The following MAX variants were observed in gnomAD, a reference collection of about 807,000 sequenced individuals.
MAX encodes the protein MYC associated transcriptional regulator X.
Under a neutral mutation model 22.3 loss-of-function variants are expected in MAX, and 3 were observed. That is an observed-to-expected ratio of 0.13 (90% confidence interval 0.06 to 0.35). The LOEUF (loss-of-function observed/expected upper bound fraction) is 0.35. Among genes scored for constraint, MAX ranks in the 10% least tolerant of loss-of-function variants. The pLI, the probability that MAX is intolerant of heterozygous loss-of-function variation, is 1.00. For missense variants in MAX, 119 were observed against 209.4 expected (o/e 0.57, Z 2.66); for synonymous variants, 72 against 77.7 (o/e 0.93, Z 0.39).
At chr14:65,010,338 G>T (rs188214264) in intron 3 of MAX, among the ~76,000 whole-genome samples, 6 of 152,298 alleles carry the variant, frequency 3.9e-5, no homozygotes, top group Admixed American at 2.6e-4. Flanking sequence ...CCTGTCACTT[G>T]TGTGCAGACA....
Position 65,009,378 on chromosome 14 carries a change from C to T in MAX, c.172-3094G>A, listed in dbSNP as rs73268763. 3.9e-5 allele frequency among the ~76,000 whole-genome samples: 6 copies of T among 152,052 alleles called. No individual in the cohort carries two copies. Among genetic ancestry groups the T allele is most frequent in the Admixed American group, 2.0e-4 (3 of 15,266 alleles). ...CTAACTGCCTTATAATCCTTTTATT[C>T]GTCTCATGTAGATTCCCTAACACAC... On this transcript the variant is annotated intron_variant, in intron 3 of 3. Coordinates refer to the MAX transcript ENST00000341653. This position sits in a 1 kb window ranked among gnomAD's most constrained non-coding sequence, Gnocchi z 4.2.
intron 2 of MAX, among the ~76,000 whole-genome samples, chr14:65,097,223 G>A (rs1050993454): frequency 3.3e-5 from 5 of 152,234 alleles, no homozygotes; most frequent in Admixed American, 2.6e-4. Context: ...GTTGTTAGAT[G>A]TTGAAGACAA....
intron 3 of MAX, among the ~76,000 whole-genome samples, chr14:65,040,473 CTCTT>C (rs2062324213): frequency 6.6e-6 from 1 of 151,914 alleles, no homozygotes; most frequent in African/African-American, 2.4e-5. Flanking sequence ...CCTAGTCTCA[CTCTT>C]TCACCCGGGC....
chr14:65,096,724 C>T (rs2063685233), intron 2 of MAX, among the ~76,000 whole-genome samples: 1 of 152,102 alleles, frequency 6.6e-6, no homozygotes, highest in Non-Finnish European at 1.5e-5. Context: ...AAAAACAAGC[C>T]CAAACAATTG....
chr14:65,069,252 C>T lies in MAX; in HGVS notation c.171+24456G>A, dbSNP rs1350583386. On this transcript the variant is annotated intron_variant, in intron 3 of 3. Transcript: ENST00000341653. The surrounding 1 kb of genome is among the most constrained non-coding windows in gnomAD (Gnocchi z 4.6). ...CACCCTCCCTTCACCAACAGCCCCCCACCCCCAGCCTGTCTGGACAGCTAG... is the reference window on the plus strand; with the variant it reads ...CACCCTCCCTTCACCAACAGCCCCCTACCCCCAGCCTGTCTGGACAGCTAG... Among the ~76,000 whole-genome samples, 4 of 152,160 alleles carry T rather than the reference C, an allele frequency of 2.6e-5. No homozygotes were observed. Among genetic ancestry groups the T allele is most frequent in the Non-Finnish European group, 5.9e-5 (4 of 68,014 alleles).
rs2062000170 is a variant in MAX, at chr14:65,027,237, G to A, written c.172-20953C>T. The stretch of plus-strand genomic sequence containing the variant: ...TGCTTCATGACCAACAAGCGCTTAA[G>A]TACGAAACTCAGAGGAGGGCAGACA... On this transcript the variant is annotated intron_variant, in intron 3 of 3. Transcript: ENST00000341653. The surrounding 1 kb of genome is among the most constrained non-coding windows in gnomAD (Gnocchi z 5.7). 2 of 725,042 alleles carry A rather than the reference G, an allele frequency of 2.8e-6. No homozygotes were observed. Among genetic ancestry groups the A allele is most frequent in the Non-Finnish European group, 4.3e-6 (2 of 461,466 alleles). 44.9% of individuals were successfully genotyped at this position (725,042 alleles called of 1,614,324 possible).
chr14:65,048,830 G>A (rs1394388942), intron 3 of MAX, among the ~76,000 whole-genome samples: 1 of 151,828 alleles, frequency 6.6e-6, no homozygotes, highest in Non-Finnish European at 1.5e-5. Context: ...CAGCCTGAGC[G>A]ACAGAGCAAG....
rs1229799132 is a variant in MAX at position 65,012,550 on chromosome 14, C to T, written c.172-6266G>A. On this transcript the variant is annotated intron_variant, in intron 3 of 3. Coordinates refer to the MAX transcript ENST00000341653. This position sits in a 1 kb window ranked among gnomAD's most constrained non-coding sequence, Gnocchi z 5.0. ...GTAGGGTGCTGTCACAGAGCTGGGA[C>T]TCAGCCCTGAAAGGGCAGAACCTAG... Among the ~76,000 whole-genome samples the T allele has an allele frequency of 2.0e-5, 3 of 152,216 alleles. No individual in the cohort carries two copies.
rs957094226 is a variant in MAX at position 65,079,315 on chromosome 14, T to C, written c.172-1279A>G. 7.9e-5 allele frequency among the ~76,000 whole-genome samples: 12 copies of C among 152,260 alleles called. No homozygotes were observed. Among genetic ancestry groups the C allele is most frequent in the Admixed American group, 6.5e-4 (10 of 15,300 alleles). On this transcript the variant is annotated intron_variant, in intron 3 of 4. Transcript: ENST00000358664. The surrounding 1 kb of genome is among the most constrained non-coding windows in gnomAD (Gnocchi z 4.5). ...ATGTCAACACAGGAAGAGCATGAGATTGGGCCATTTCAGGAAACAACCACA... is the reference window on the plus strand; with the variant it reads ...ATGTCAACACAGGAAGAGCATGAGACTGGGCCATTTCAGGAAACAACCACA...
In MAX at chr14:65,023,716, T is replaced by G. The variant is rs1193129269; in HGVS notation, c.172-17432A>C. 6.6e-6 allele frequency among the ~76,000 whole-genome samples: 1 copy of G among 152,186 alleles called. No individual in the cohort carries two copies. The highest frequency in any genetic ancestry group is 2.4e-5 in the African/African-American group (1 of 41,442). On this transcript the variant is annotated intron_variant, in intron 3 of 3. Transcript: ENST00000341653. This position sits in a 1 kb window ranked among gnomAD's most constrained non-coding sequence, Gnocchi z 4.1. Reference sequence around the variant, plus strand: ...TAAATTGCCTCATGTGGCTAGTGGCTGCCTATTGGACAGCACAGATGTATC... The same window carrying G: ...TAAATTGCCTCATGTGGCTAGTGGCGGCCTATTGGACAGCACAGATGTATC...
Position 65,032,121 on chromosome 14 carries a change from A to G in MAX, c.172-25837T>C, listed in dbSNP as rs891601967. Among the ~76,000 whole-genome samples the G allele has an allele frequency of 5.3e-5, 8 of 151,864 alleles. No individual in the cohort carries two copies. The South Asian group carries it at 1.7e-3, about 32-fold the overall frequency. On this transcript the variant is annotated intron_variant, in intron 3 of 3. Transcript: ENST00000341653. The surrounding 1 kb of genome is among the most constrained non-coding windows in gnomAD (Gnocchi z 5.0). Reference sequence around the variant, plus strand: ...TTCCTATCCTTGTTTGATCTATTACAATTTGGTGGCCTGTTTTGCAGTTTA... The same window carrying G: ...TTCCTATCCTTGTTTGATCTATTACGATTTGGTGGCCTGTTTTGCAGTTTA...
chr14:65,026,137 C>A (rs1388264867), intron 3 of MAX, among the ~76,000 whole-genome samples: 2 of 152,146 alleles, frequency 1.3e-5, no homozygotes, highest in Non-Finnish European at 2.9e-5. Context: ...GAAAGAAGGC[C>A]CCATGAACAC....
At chr14:65,051,985 CAG>C (rs1468981730) in intron 3 of MAX, among the ~76,000 whole-genome samples, 1 of 151,934 alleles carries the variant, frequency 6.6e-6, no homozygotes, top group Non-Finnish European at 1.5e-5. Flanking sequence ...TTAGTAGAGA[CAG>C]GGTTTCACCG....
intron 2 of MAX, among the ~76,000 whole-genome samples, chr14:65,097,590 C>T (rs1347295579): frequency 1.3e-5 from 2 of 152,146 alleles, no homozygotes; most frequent in Non-Finnish European, 2.9e-5. Flanking sequence ...ATATTTACTA[C>T]CTTTACAAAA....
At chr14:65,059,569 G>T (rs182233272) in intron 3 of MAX, among the ~76,000 whole-genome samples, 36 of 152,006 alleles carry the variant, frequency 2.4e-4, no homozygotes, top group African/African-American at 7.5e-4. Context: ...CTGAATTTTT[G>T]TATGTTTCAG....
At chr14:65,102,583 G>C, upstream of MAX, 1 of 1,423,758 alleles carries the variant, frequency 7.0e-7, no homozygotes, top group Non-Finnish European at 9.2e-7. Flanking sequence ...GGCTCGCAGC[G>C]CTGGGGCAGC....
At chr14:65,020,472 C>G (rs137953315) in intron 3 of MAX, among the ~76,000 whole-genome samples, 1 of 152,132 alleles carries the variant, frequency 6.6e-6, no homozygotes, top group Non-Finnish European at 1.5e-5. Flanking sequence ...GTTGCCCAGA[C>G]TGGAGTGCAG....
chr14:65,010,541 C>T (rs1220945042), intron 3 of MAX, among the ~76,000 whole-genome samples: 1 of 152,238 alleles, frequency 6.6e-6, no homozygotes, highest in Non-Finnish European at 1.5e-5. Flanking sequence ...CTCCTCAGAG[C>T]TTCTAACCCT....
rs1305169650 is a variant in MAX at position 65,047,172 on chromosome 14, C to T, written c.172-40888G>A. 6.6e-6 allele frequency among the ~76,000 whole-genome samples: 1 copy of T among 152,198 alleles called. No homozygotes were observed. Among genetic ancestry groups the T allele is most frequent in the Non-Finnish European group, 1.5e-5 (1 of 68,044 alleles). On this transcript the variant is annotated intron_variant, in intron 3 of 3. Transcript: ENST00000341653. This position sits in a 1 kb window ranked among gnomAD's most constrained non-coding sequence, Gnocchi z 5.2. Reference sequence around the variant, plus strand: ...TACTGGTAGCGGAGTCTTCCCAAGCCCTCACTGTATGCCAGGGGCTGTACT... The same window carrying T: ...TACTGGTAGCGGAGTCTTCCCAAGCTCTCACTGTATGCCAGGGGCTGTACT...
Sources: gnomAD v4.1 joint callset for allele counts (sites outside exome capture counted in the v4.1 genomes callset) on GRCh38, gnomAD v4.1.1 for gene constraint, Gnocchi (gnomAD v3.1) non-coding constraint, MANE v1.5 for transcripts, NCBI Gene and HGNC (gene_info 2026-07-23, HGNC 2026-07-21) for gene names.